VCL: variants seen among roughly 807,000 people sequenced by gnomAD.
VCL encodes epididymis luminal protein 114.
Under a neutral mutation model 125.7 loss-of-function variants are expected in VCL, and 47 were observed. The ratio of observed to expected loss-of-function variants is 0.37; its 90% CI spans 0.30 to 0.48. The LOEUF (loss-of-function observed/expected upper bound fraction) is 0.48. Among genes scored for constraint, VCL ranks in the 20% least tolerant of loss-of-function variants. The pLI is 0.99. For synonymous variants in VCL, 458 were observed against 514.6 expected, an observed-to-expected ratio of 0.89 and a Z score of 1.49; for missense variants, 1,069 against 1,455.5, an observed-to-expected ratio of 0.73 and a Z score of 4.32.
In VCL at chr10:74,050,932, A is replaced by AT. The variant is rs10607921; in HGVS notation, c.239+7804dup. Among the ~76,000 whole-genome samples, 318 of 77,372 alleles carry AT rather than the reference A, an allele frequency of 4.1e-3. 4 individuals are homozygous for AT. Among genetic ancestry groups the AT allele is most frequent in the Middle Eastern group, 8.1e-3 (1 of 124 alleles). The allele number at this position is 77,372 out of a possible 152,430, so 50.8% of individuals were successfully genotyped here. On this transcript the variant is annotated intron_variant, in intron 2 of 21. Coordinates refer to ENST00000211998, the MANE Select transcript of VCL (RefSeq NM_014000.3). ...ATTAAGCATAATTTAGTACTACTGTATTTTTTTTTTTTTTTTTTTTTTTTT... is the reference window on the plus strand; with the variant it reads ...ATTAAGCATAATTTAGTACTACTGTATTTTTTTTTTTTTTTTTTTTTTTTTT...
At position 74,018,670 on chromosome 10, in the gene VCL, C is replaced by T. The variant is rs144709914; in HGVS notation, c.168+20295C>T. ...TGTGTCCCTTGTGAAGGGACTCAGA[C>T]GACATAAATCAGTTAAAAAAAACAA... On this transcript the variant is annotated intron_variant, in intron 1 of 21. Transcript: ENST00000211998. 2.5e-3 allele frequency among the ~76,000 whole-genome samples: 375 copies of T among 151,884 alleles called. 2 individuals carry two copies. The highest frequency in any genetic ancestry group is 8.2e-3 in the African/African-American group (339 of 41,404).
At chr10:74,084,201 G>A (rs1292191272) in intron 8 of VCL, among the ~76,000 whole-genome samples, 1 of 152,036 alleles carries the variant, frequency 6.6e-6, no homozygotes, top group Admixed American at 6.5e-5. Flanking sequence ...GTAGAGATGG[G>A]GTTTTGCCAG....
intron 6 of VCL, among the ~76,000 whole-genome samples, chr10:74,080,072 A>G (rs918297355): frequency 2.6e-5 from 4 of 152,126 alleles, no homozygotes; most frequent in African/African-American, 9.7e-5. Context: ...TATTAAGGAG[A>G]AAAAAAGAAA....
chr10:74,017,299 G>A (rs111950409), intron 1 of VCL, among the ~76,000 whole-genome samples: 2 of 151,618 alleles, frequency 1.3e-5, no homozygotes, highest in African/African-American at 4.9e-5. Flanking sequence ...CGCCCGCCTC[G>A]GCCTCCCAAA....
chr10:74,036,663 C>A lies in VCL; in HGVS notation c.169-6420C>A, dbSNP rs1397301652. On this transcript the variant is annotated intron_variant, in intron 1 of 21. Coordinates refer to ENST00000211998, the MANE Select transcript of VCL (RefSeq NM_014000.3). ...AGGTGGGAGGATTCCTTGACCCCAG[C>A]AGTTTGAGTCCAGCCTGGGCAATAT... 5.9e-5 allele frequency among the ~76,000 whole-genome samples: 9 copies of A among 151,374 alleles called. No individual in the cohort carries two copies. In the East Asian group the frequency reaches 1.7e-3, roughly 29 times the overall value.
chr10:74,092,060 C>T (rs1329482123), intron 10 of VCL, among the ~76,000 whole-genome samples: 1 of 151,892 alleles, frequency 6.6e-6, no homozygotes, highest in Non-Finnish European at 1.5e-5. Context: ...AGGCGCACAC[C>T]ACCACGCCCA....
chr10:74,084,681 C>G (rs1170584088), intron 8 of VCL, among the ~76,000 whole-genome samples: 1 of 151,968 alleles, frequency 6.6e-6, no homozygotes. Context: ...GGCGCGATCT[C>G]GGCTCACTGC....
chr10:74,074,959 T>C, intron 6 of VCL, 56 bp downstream of exon 6: 1 of 1,608,560 alleles, frequency 6.2e-7, no homozygotes, highest in Non-Finnish European at 8.5e-7. Context: ...TGGCTGGGGG[T>C]TTTGATTGGC....
At chr10:73,998,454 G>A (rs1002156656) in intron 1 of VCL, 79 bp downstream of exon 1, 62 of 1,279,400 alleles carry the variant, frequency 4.8e-5, no homozygotes, top group Admixed American at 8.5e-5. Flanking sequence ...GCTGCCTGTG[G>A]CCGGCTCGCT....
chr10:74,077,778 C>A, intron 6 of VCL: 1 of 452,244 alleles, frequency 2.2e-6, no homozygotes. Context: ...GGTAAAAGTG[C>A]GTCTTGCCGA....
At chr10:74,095,013 A>G (rs1591705861) in intron 11 of VCL, among the ~76,000 whole-genome samples, 1 of 152,230 alleles carries the variant, frequency 6.6e-6, no homozygotes, top group African/African-American at 2.4e-5. Flanking sequence ...TTGGGCACAT[A>G]TATAATTTAC....
At chr10:74,005,518 A>G (rs1182739931) in intron 1 of VCL, among the ~76,000 whole-genome samples, 1 of 152,222 alleles carries the variant, frequency 6.6e-6, no homozygotes, top group Non-Finnish European at 1.5e-5. Context: ...GGCCTCCCAA[A>G]GTGCTGGGAT....
intron 18 of VCL, among the ~76,000 whole-genome samples, chr10:74,111,587 T>C (rs947803864): frequency 3.9e-5 from 6 of 152,244 alleles, no homozygotes; most frequent in Non-Finnish European, 7.3e-5. Context: ...AGAATCACTC[T>C]TGTCAAGTTT....
At chr10:74,020,673 T>C (rs1222277959) in intron 1 of VCL, among the ~76,000 whole-genome samples, 1 of 151,656 alleles carries the variant, frequency 6.6e-6, no homozygotes, top group Admixed American at 6.6e-5. Flanking sequence ...AAACCCTGTC[T>C]CTACAAAAAA....
intron 8 of VCL, among the ~76,000 whole-genome samples, chr10:74,087,436 C>T (rs1262196300): frequency 6.8e-6 from 1 of 147,314 alleles, no homozygotes; most frequent in Non-Finnish European, 1.5e-5. Context: ...AGCTCTGCCT[C>T]CCGGGTTCAC....
At position 74,119,879 on chromosome 10, in the gene VCL, A is replaced by C. The variant is rs1330832834; in HGVS notation, c.*1710A>C. The C allele has an allele frequency of 6.6e-6, 1 of 152,640 alleles. No homozygotes were observed. The highest frequency in any genetic ancestry group is 6.5e-5 in the Admixed American group (1 of 15,280). The allele number at this position is 152,640 out of a possible 1,614,324, so 9.5% of individuals were successfully genotyped here. On this transcript the variant is annotated 3_prime_UTR_variant, in exon 22 of 22. Transcript: ENST00000211998. ...GATCACTTGTTGTTTTACTAAAGAA[A>C]GATTACTTAGAGGAAATAAGAAAAA...
chr10:74,050,242 C>A (rs997627795), intron 2 of VCL, among the ~76,000 whole-genome samples: 123 of 152,140 alleles, frequency 8.1e-4, no homozygotes, highest in African/African-American at 2.9e-3. Flanking sequence ...GATTGGTTCA[C>A]CAGCTTGGAC....
At chr10:74,096,036 A>G (rs915324224) in intron 12 of VCL, among the ~76,000 whole-genome samples, 181 bp downstream of exon 12, 9 of 152,202 alleles carry the variant, frequency 5.9e-5, no homozygotes, top group Non-Finnish European at 1.3e-4. Context: ...GGTATATAGT[A>G]GCAACTAAAT....
At position 74,118,166 on chromosome 10, in the gene VCL, G is replaced by A. The variant is rs1040784589; in HGVS notation, c.3402G>A (p.Gln1134=). ...LRWVRKTPWY[Q] is the part of the protein sequence containing the mutation. The stretch of plus-strand genomic sequence containing the variant: ...GGGTTAGAAAGACTCCCTGGTACCA[G>A]TAGGCACCTGGCTGAGCCTGGCTGG... The change falls in exon 22 of 22, where the codon CAG becomes CAA. Residue 1134 remains glutamine, a synonymous_variant. Coordinates refer to ENST00000211998, the MANE Select transcript of VCL (RefSeq NM_014000.3). The A allele has an allele frequency of 1.2e-6, 2 of 1,614,096 alleles. No homozygotes were observed. Among genetic ancestry groups the A allele is most frequent in the African/African-American group, 1.3e-5 (1 of 75,004 alleles).
Sources: gnomAD v4.1 joint callset for allele counts (sites outside exome capture counted in the v4.1 genomes callset) on GRCh38, gnomAD v4.1.1 for gene constraint, MANE v1.5 for transcripts, NCBI Gene and HGNC (gene_info 2026-07-23, HGNC 2026-07-21) for gene names.